The following MAST2 variants were observed in gnomAD, a reference collection of about 807,000 sequenced individuals.
MAST2 encodes microtubule associated serine/threonine kinase 2.
A neutral mutation model predicts 147.4 loss-of-function variants in MAST2; 70 were observed. That is an observed-to-expected ratio of 0.47 (90% CI 0.39 to 0.58). The LOEUF (loss-of-function observed/expected upper bound fraction) is 0.58, where lower values mean the gene tolerates loss of function less well. Ranked by LOEUF, MAST2 falls within the 20% of genes least tolerant of loss-of-function variation. The pLI is 0.00. For synonymous variants in MAST2, 869 were observed against 896.8 expected (o/e 0.97, Z 0.55); for missense variants, 2,080 against 2,302.3 (o/e 0.90, Z 1.98).
chr1:46,021,457 G>C (rs1023285512), intron 11 of MAST2, among the ~76,000 whole-genome samples: 2 of 152,254 alleles, frequency 1.3e-5, no homozygotes, highest in African/African-American at 4.8e-5. Flanking sequence ...TAGGCACTCA[G>C]TTATTATGTG....
intron 4 of MAST2, among the ~76,000 whole-genome samples, chr1:45,950,714 A>G (rs562589342): frequency 5.9e-5 from 9 of 152,320 alleles, no homozygotes; most frequent in Admixed American, 5.9e-4. Context: ...TTGTAGTACA[A>G]AATTACAAAC....
chr1:45,874,167 G>A (rs1036237386), intron 3 of MAST2, among the ~76,000 whole-genome samples: 2 of 152,068 alleles, frequency 1.3e-5, no homozygotes, highest in Non-Finnish European at 2.9e-5. Context: ...TACAACTGCT[G>A]TATCTAAGCC....
At chr1:45,840,139 C>A (rs777991181) in intron 3 of MAST2, among the ~76,000 whole-genome samples, 10 of 152,086 alleles carry the variant, frequency 6.6e-5, no homozygotes, top group Non-Finnish European at 1.5e-4. Flanking sequence ...TTTTGCTCTT[C>A]AGTATTTATT....
Position 45,846,777 on chromosome 1 carries a change from A to G in MAST2, c.468+17196A>G, listed in dbSNP as rs2147952310. Among the ~76,000 whole-genome samples, 2 of 152,050 alleles carry G rather than the reference A, an allele frequency of 1.3e-5. 1 individual carries two copies. The highest frequency in any genetic ancestry group is 4.2e-4 in the South Asian group (2 of 4,806). On this transcript the variant is annotated intron_variant, in intron 3 of 28. Transcript: ENST00000361297. ...GAGGCAGAGGTTGCAGTGAGCCGAG[A>G]TGATGCCACTGCACTCCAGCCCAGG...
In MAST2 at chr1:45,897,638, T is replaced by C. The variant is rs141155704; in HGVS notation, c.500+15243T>C. Among the ~76,000 whole-genome samples, 1,117 of 149,238 alleles carry C rather than the reference T, an allele frequency of 7.5e-3. 13 individuals are homozygous for C. Among genetic ancestry groups the C allele is most frequent in the African/African-American group, 0.026 (1,065 of 40,292 alleles). ...AGCCTGGGCAACATGGCAAAACCTG[T>C]CTCTACCAAAAATACAAAAAATTAG... On this transcript the variant is annotated intron_variant, in intron 4 of 28. Coordinates refer to ENST00000361297, the MANE Select transcript of MAST2 (RefSeq NM_015112.3).
In MAST2 at chr1:46,035,056, G is replaced by A. The variant is rs3737738; in HGVS notation, c.4387G>A (p.Ala1463Thr). 2.0e-3 allele frequency: 3,304 copies of A among 1,613,856 alleles called. 105 individuals carry two copies. In the East Asian group the frequency reaches 0.068, roughly 33 times the overall value. ...GARSVLSGKG[A>T]LPGKGVLQPA... is the part of the protein sequence containing the mutation. Reference sequence around the variant, plus strand: ...CAGGAGTGTGCTGTCTGGCAAGGGGGCCCTGCCAGGGAAGGGGGTGCTGCA... The same window carrying A: ...CAGGAGTGTGCTGTCTGGCAAGGGGACCCTGCCAGGGAAGGGGGTGCTGCA... The change falls in exon 29 of 29, where the codon GCC becomes ACC. Residue 1463 changes from alanine to threonine, a missense_variant. By Grantham distance (58) the Ala-to-Thr change is moderately conservative. Around this residue, in one of 4 missense-constraint regions of MAST2, gnomAD observed 1,278 missense variants for 1,304.2 expected, o/e 0.98. Transcript: ENST00000361297. The surrounding 1 kb of genome is among the most constrained non-coding windows in gnomAD (Gnocchi z 5.5).
At chr1:45,859,800 A>G (rs1005006967) in intron 3 of MAST2, among the ~76,000 whole-genome samples, 1 of 152,216 alleles carries the variant, frequency 6.6e-6, no homozygotes, top group Non-Finnish European at 1.5e-5. Context: ...CTTTTTATCT[A>G]GTCATTGGCT....
At chr1:46,015,316 A>G (rs1645889452) in intron 10 of MAST2, among the ~76,000 whole-genome samples, 1 of 152,238 alleles carries the variant, frequency 6.6e-6, no homozygotes, top group South Asian at 2.1e-4. Context: ...GCAAGAAATA[A>G]CTAAAATCAG....
At chr1:45,945,773 A>G (rs1482558149) in intron 4 of MAST2, among the ~76,000 whole-genome samples, 1 of 152,254 alleles carries the variant, frequency 6.6e-6, no homozygotes, top group Admixed American at 6.5e-5. Flanking sequence ...CTACTGGTCT[A>G]GAAATGTAAC....
chr1:46,002,876 C>G lies in MAST2; in HGVS notation c.740C>G (p.Thr247Ser), dbSNP rs772422632. 1.9e-6 allele frequency: 3 copies of G among 1,614,012 alleles called. No individual in the cohort carries two copies. The African/African-American group carries it at 4.0e-5, about 22-fold the overall frequency. Residue 247 changes from threonine to serine, a missense_variant, in exon 7 of 29, where the codon ACT becomes AGT. Physicochemically the swap from Thr to Ser is moderately conservative, Grantham distance 58. Transcript: ENST00000361297. Reference protein sequence around the residue: ...SGYGTNTPSSTVSSSCSSQEK... With the variant: ...SGYGTNTPSSSVSSSCSSQEK... ...TATGGAACTAACACTCCTAGCTCCA[C>G]TGTCTCAGTAAGTAGCCAAATCTGT... is the stretch of plus-strand genomic sequence containing the variant.
intron 8 of MAST2, among the ~76,000 whole-genome samples, chr1:46,006,897 T>C (rs1011220952): frequency 3.3e-5 from 5 of 152,236 alleles, no homozygotes; most frequent in Admixed American, 2.0e-4. Context: ...CCATTGGCCC[T>C]GGGTGTATGA....
rs1257396815 is a variant in MAST2 at position 46,008,284 on chromosome 1, T to C, written c.903-12T>C. 1.3e-6 allele frequency: 2 copies of C among 1,597,066 alleles called. No homozygotes were observed. Among genetic ancestry groups the C allele is most frequent in the Non-Finnish European group, 1.7e-6 (2 of 1,164,602 alleles). On this transcript the variant is annotated splice_polypyrimidine_tract_variant and intron_variant, in intron 8 of 28. Coordinates refer to ENST00000361297, the MANE Select transcript of MAST2 (RefSeq NM_015112.3). Reference sequence around the variant, plus strand: ...AGCACTAAAGTAACACAATCATTTCTTTCTTTTTTAGTCCCGGACGATCCC... The same window carrying C: ...AGCACTAAAGTAACACAATCATTTCCTTCTTTTTTAGTCCCGGACGATCCC...
intron 5 of MAST2, among the ~76,000 whole-genome samples, chr1:45,969,826 A>G (rs540256878): frequency 2.0e-5 from 3 of 152,298 alleles, no homozygotes; most frequent in South Asian, 2.1e-4. Flanking sequence ...TTCCTGGTCC[A>G]TGGAAAAATT....
chr1:45,868,591 T>C (rs1161642297), intron 3 of MAST2, among the ~76,000 whole-genome samples: 1 of 151,900 alleles, frequency 6.6e-6, no homozygotes, highest in Non-Finnish European at 1.5e-5. Context: ...TAGAGTGTCA[T>C]TGTTTACGGG....
At chr1:45,917,472 C>T (rs1427434199) in intron 4 of MAST2, 3 of 1,366,466 alleles carry the variant, frequency 2.2e-6, no homozygotes, top group Non-Finnish European at 2.9e-6. Context: ...TGCCATTTTC[C>T]TGAACCCACG....
intron 5 of MAST2, among the ~76,000 whole-genome samples, chr1:45,996,175 T>G (rs1403490496): frequency 6.6e-6 from 1 of 151,926 alleles, no homozygotes; most frequent in Non-Finnish European, 1.5e-5. Context: ...GAAGATTCTT[T>G]GTACCTCTGT....
intron 1 of MAST2, among the ~76,000 whole-genome samples, chr1:45,823,815 G>A (rs568826436): frequency 6.1e-4 from 93 of 152,184 alleles, no homozygotes; most frequent in African/African-American, 2.2e-3. Flanking sequence ...GCTTAAAAAT[G>A]TCTACATGTT....
At chr1:45,850,197 G>A (rs1645579813) in intron 3 of MAST2, among the ~76,000 whole-genome samples, 1 of 152,104 alleles carries the variant, frequency 6.6e-6, no homozygotes, top group Admixed American at 6.5e-5. Context: ...TTCTCAAATG[G>A]TTAGTATGTG....
At chr1:45,876,871 T>A (rs1443190494) in intron 3 of MAST2, among the ~76,000 whole-genome samples, 2 of 152,200 alleles carry the variant, frequency 1.3e-5, no homozygotes, top group Non-Finnish European at 2.9e-5. Flanking sequence ...CATATATGCA[T>A]TTTAGGAAAT....
Sources: gnomAD v4.1 joint callset for allele counts (sites outside exome capture counted in the v4.1 genomes callset) on GRCh38, gnomAD v4.1.1 for gene constraint, gnomAD v4.1.1 regional missense constraint, Gnocchi (gnomAD v3.1) non-coding constraint, MANE v1.5 for transcripts, NCBI Gene and HGNC (gene_info 2026-07-23, HGNC 2026-07-21) for gene names.